The following DGKB variants were observed in gnomAD, a reference collection of about 807,000 sequenced individuals.
DGKB encodes 90 kDa diacylglycerol kinase.
DGKB carries 67 observed loss-of-function variants against 114.3 expected under a neutral mutation model. The ratio of observed to expected loss-of-function variants is 0.59; its 90% confidence interval spans 0.48 to 0.72. The LOEUF is 0.72. Ranked by LOEUF, DGKB falls within the 30% of genes least tolerant of loss-of-function variation. The pLI is 0.00. For missense variants in DGKB, 907 were observed against 975.2 expected (o/e 0.93, Z 0.93); for synonymous variants, 398 against 323.1 (o/e 1.23, Z -2.49).
intron 20 of DGKB, among the ~76,000 whole-genome samples, chr7:14,530,919 A>G (rs1421618611): frequency 6.6e-6 from 1 of 151,582 alleles, no homozygotes; most frequent in African/African-American, 2.4e-5. Flanking sequence ...TTCAGAATAT[A>G]TACAATGTAA....
chr7:14,644,545 G>A (rs762427941), intron 13 of DGKB, among the ~76,000 whole-genome samples: 3 of 151,938 alleles, frequency 2.0e-5, no homozygotes, highest in Admixed American at 6.6e-5. Flanking sequence ...TAGAACTGAA[G>A]AATTCAATGA....
chr7:14,468,088 G>C (rs1584173598), intron 21 of DGKB, among the ~76,000 whole-genome samples: 1 of 151,856 alleles, frequency 6.6e-6, no homozygotes, highest in East Asian at 1.9e-4. Context: ...CTATATATTA[G>C]AAATTAAGTA....
intron 23 of DGKB, among the ~76,000 whole-genome samples, chr7:14,259,658 T>C (rs941526998): frequency 6.6e-6 from 1 of 152,142 alleles, no homozygotes; most frequent in African/African-American, 2.4e-5. Context: ...ACTCCTGGCC[T>C]CAGGTGATCC....
rs143057987 is a variant in DGKB, at chr7:14,576,559, G to A, written c.1610-2187C>T. 7.7e-3 allele frequency among the ~76,000 whole-genome samples: 1,167 copies of A among 151,896 alleles called. 14 individuals are homozygous for A. The highest frequency in any genetic ancestry group is 0.025 in the African/African-American group (1,050 of 41,424). On this transcript the variant is annotated intron_variant, in intron 19 of 25. Coordinates refer to ENST00000402815, the MANE Select transcript of DGKB (RefSeq NM_001350709.2). The stretch of plus-strand genomic sequence containing the variant: ...TTATATATTATAATATAGGAGTATC[G>A]TGTGTGTGTATGTGTATACATATAT...
At chr7:14,626,171 A>G (rs180683688) in intron 14 of DGKB, among the ~76,000 whole-genome samples, 1 of 152,320 alleles carries the variant, frequency 6.6e-6, no homozygotes, top group East Asian at 1.9e-4. Context: ...CTGCTTTCAC[A>G]AAAGGGTTGT....
At chr7:14,531,040 T>A (rs1791499815) in intron 20 of DGKB, among the ~76,000 whole-genome samples, 1 of 151,568 alleles carries the variant, frequency 6.6e-6, no homozygotes, top group Non-Finnish European at 1.5e-5. Context: ...TTATAATTAC[T>A]TCTACATTTC....
At chr7:14,331,110 T>C (rs147533328) in intron 23 of DGKB, among the ~76,000 whole-genome samples, 42 of 152,104 alleles carry the variant, frequency 2.8e-4, no homozygotes, top group African/African-American at 9.9e-4. Flanking sequence ...TGCATTACCA[T>C]TGCTAAAAAA....
At chr7:14,189,532 A>G (rs945604389) in intron 23 of DGKB, among the ~76,000 whole-genome samples, 3 of 152,150 alleles carry the variant, frequency 2.0e-5, no homozygotes, top group African/African-American at 7.2e-5. Context: ...AAAATAATGA[A>G]CAAAATGGCA....
intron 23 of DGKB, among the ~76,000 whole-genome samples, chr7:14,296,107 C>T (rs1321435641): frequency 1.3e-5 from 2 of 151,316 alleles, no homozygotes; most frequent in Non-Finnish European, 2.9e-5. Flanking sequence ...TCTCGGCACA[C>T]TGCAACCTCC....
chr7:14,634,308 G>C (rs111341688), intron 13 of DGKB, among the ~76,000 whole-genome samples: 1,646 of 151,548 alleles, frequency 0.011, 22 homozygotes, highest in African/African-American at 0.037. Flanking sequence ...ACAGAATATT[G>C]CTTCCCTAAC....
At chr7:14,279,843 A>C (rs1389350945) in intron 23 of DGKB, among the ~76,000 whole-genome samples, 1,816 of 149,334 alleles carry the variant, frequency 0.012, 37 homozygotes, top group African/African-American at 0.041. Context: ...GACATCCACA[A>C]CAAAAACCCA....
At chr7:14,393,909 A>G (rs1285780627) in intron 21 of DGKB, among the ~76,000 whole-genome samples, 1 of 152,196 alleles carries the variant, frequency 6.6e-6, no homozygotes. Context: ...GCAACTAAGA[A>G]CAACATGAGT....
At chr7:14,967,361 C>A (rs1458976585) in intron 1 of DGKB, among the ~76,000 whole-genome samples, 1 of 151,700 alleles carries the variant, frequency 6.6e-6, no homozygotes. Context: ...GTCTCTGTTG[C>A]CCAGGCTGGA....
intron 23 of DGKB, among the ~76,000 whole-genome samples, chr7:14,312,427 C>T (rs915636866): frequency 5.9e-5 from 9 of 152,192 alleles, no homozygotes; most frequent in African/African-American, 2.2e-4. Flanking sequence ...AAACAAGTAG[C>T]ACCTAACTAT....
chr7:14,620,085 A>AT (rs544435339), intron 15 of DGKB, among the ~76,000 whole-genome samples: 163 of 151,520 alleles, frequency 1.1e-3, no homozygotes, highest in Middle Eastern at 6.8e-3. Flanking sequence ...AATTTAATTA[A>AT]TTTTTTTGCT....
At chr7:14,813,252 G>C (rs1275474001) in intron 2 of DGKB, among the ~76,000 whole-genome samples, 1 of 152,118 alleles carries the variant, frequency 6.6e-6, no homozygotes, top group African/African-American at 2.4e-5. Context: ...AAAAGGAAGA[G>C]ATATATAGAT....
At chr7:14,552,610 A>C (rs1795258460) in intron 20 of DGKB, among the ~76,000 whole-genome samples, 1 of 152,134 alleles carries the variant, frequency 6.6e-6, no homozygotes, top group African/African-American at 2.4e-5. Flanking sequence ...CATGTTTTTT[A>C]TGTTTTTAAA....
chr7:14,790,757 C>A (rs994887325), intron 2 of DGKB, among the ~76,000 whole-genome samples: 1 of 152,060 alleles, frequency 6.6e-6, no homozygotes, highest in African/African-American at 2.4e-5. Flanking sequence ...CCACTTTATT[C>A]TTATTTTTCT....
Position 14,415,605 on chromosome 7 carries a change from C to A in DGKB, c.1835+62556G>T, listed in dbSNP as rs998166727. ...TCCCTACAAAGGACATGAACTCATCCTTTTTTATGGCTGCATAGTATTCCA... is the reference window on the plus strand; with the variant it reads ...TCCCTACAAAGGACATGAACTCATCATTTTTTATGGCTGCATAGTATTCCA... On this transcript the variant is annotated intron_variant, in intron 21 of 25. Coordinates refer to ENST00000402815, the MANE Select transcript of DGKB (RefSeq NM_001350709.2). Among the ~76,000 whole-genome samples, 6 of 150,142 alleles carry A rather than the reference C, an allele frequency of 4.0e-5. No homozygotes were observed. The East Asian group carries it at 5.8e-4, about 15-fold the overall frequency.
Sources: allele counts gnomAD v4.1 joint callset (sites outside exome capture counted in the v4.1 genomes callset), GRCh38; gene constraint gnomAD v4.1.1; transcripts MANE v1.5; gene names NCBI Gene and HGNC (gene_info 2026-07-23, HGNC 2026-07-21).